ZNF148: variants seen among roughly 807,000 people sequenced by gnomAD.
The protein encoded by ZNF148 is zinc finger protein 148, also known as Beta-Enolase Repressor Factor-1.
Under a neutral mutation model 67.7 loss-of-function variants are expected in ZNF148, and 7 were observed. The ratio of observed to expected loss-of-function variants is 0.10; its 90% CI spans 0.06 to 0.19. The LOEUF is 0.19. Among genes scored for constraint, ZNF148 ranks in the 10% least tolerant of loss-of-function variants. The pLI, the probability that ZNF148 is intolerant of heterozygous loss-of-function variation, is 1.00. For missense variants in ZNF148, 583 were observed against 947.1 expected (o/e 0.62, Z 5.05); for synonymous variants, 333 against 330.7 (o/e 1.01, Z -0.08).
At chr3:125,348,933 G>A (rs1245637222) in intron 1 of ZNF148, among the ~76,000 whole-genome samples, 1 of 152,028 alleles carries the variant, frequency 6.6e-6, no homozygotes, top group Non-Finnish European at 1.5e-5. Flanking sequence ...ATAAACCCAG[G>A]CATACAGAGG....
intron 1 of ZNF148, chr3:125,357,247 G>A: frequency 6.5e-6 from 1 of 153,630 alleles, no homozygotes; most frequent in Non-Finnish European, 1.4e-5. Flanking sequence ...CCCAAAGTGC[G>A]CCAGCTTCTC....
intron 4 of ZNF148, among the ~76,000 whole-genome samples, chr3:125,309,265 A>T (rs1412305949): frequency 1.3e-5 from 2 of 152,178 alleles, no homozygotes; most frequent in Non-Finnish European, 2.9e-5. Context: ...TTTTCACTCA[A>T]AAAAAATCTG....
intron 7 of ZNF148, among the ~76,000 whole-genome samples, chr3:125,255,290 A>C (rs959185627): frequency 4.3e-5 from 5 of 115,208 alleles, no homozygotes; most frequent in African/African-American, 1.7e-4. Context: ...TCTGTTGCCC[A>C]GGCTGGAGTG....
chr3:125,281,252 G>C (rs1171900389), intron 5 of ZNF148, among the ~76,000 whole-genome samples: 1 of 152,144 alleles, frequency 6.6e-6, no homozygotes, highest in Non-Finnish European at 1.5e-5. Flanking sequence ...AAAGAAAGTG[G>C]AAAGCTTCAT....
chr3:125,337,288 T>C (rs1941539900), intron 1 of ZNF148, among the ~76,000 whole-genome samples: 1 of 152,164 alleles, frequency 6.6e-6, no homozygotes, highest in Admixed American at 6.6e-5. Flanking sequence ...TTATAAACAA[T>C]GCTACAAAAA....
In ZNF148 at chr3:125,329,097, C is replaced by T. The variant is rs573939111; in HGVS notation, c.-153+2061G>A. ...GGGGAAGGGTTGGAAAGCCTTTCTT[C>T]GATGTTATAACATTCTCTATTGCCT... On this transcript the variant is annotated intron_variant, in intron 2 of 8. Transcript: ENST00000360647. Among the ~76,000 whole-genome samples, 6 of 150,562 alleles carry T rather than the reference C, an allele frequency of 4.0e-5. No homozygotes were observed. In the South Asian group the frequency reaches 1.0e-3, roughly 26 times the overall value.
chr3:125,360,241 C>T (rs1051095919), intron 1 of ZNF148, among the ~76,000 whole-genome samples: 3 of 152,038 alleles, frequency 2.0e-5, no homozygotes, highest in Non-Finnish European at 4.4e-5. Flanking sequence ...AACAATAGAA[C>T]ATCTTTTGTC....
intron 1 of ZNF148, among the ~76,000 whole-genome samples, chr3:125,341,588 T>A (rs979302042): frequency 6.6e-6 from 1 of 151,568 alleles, no homozygotes; most frequent in African/African-American, 2.4e-5. Context: ...ACCACTGCAC[T>A]ACTGCCTAGA....
chr3:125,255,909 T>C (rs1164764892), intron 7 of ZNF148, among the ~76,000 whole-genome samples: 1 of 152,104 alleles, frequency 6.6e-6, no homozygotes, highest in Non-Finnish European at 1.5e-5. Flanking sequence ...CTGTTTCAAA[T>C]GATGTGCCTC....
chr3:125,341,277 AAAG>A (rs1192066090), intron 1 of ZNF148, among the ~76,000 whole-genome samples: 3 of 151,726 alleles, frequency 2.0e-5, no homozygotes, highest in East Asian at 3.9e-4. Flanking sequence ...GTTATTAAAA[AAAG>A]AAGCATAGTC....
rs1372255698 is a variant in ZNF148 at position 125,229,306 on chromosome 3, T to C, written c.*3035A>G. The C allele has an allele frequency of 6.6e-6, 1 of 151,392 alleles. No individual in the cohort carries two copies. Among genetic ancestry groups the C allele is most frequent in the African/African-American group, 2.4e-5 (1 of 41,188 alleles). 9.4% of individuals were successfully genotyped at this position (151,392 alleles called of 1,614,324 possible). A position where few individuals can be genotyped will look rare whatever the true frequency, so the allele number is the denominator to read the frequency against. On this transcript the variant is annotated 3_prime_UTR_variant, in exon 9 of 9. Coordinates refer to ENST00000360647, the MANE Select transcript of ZNF148 (RefSeq NM_021964.3). Reference sequence around the variant, plus strand: ...GCTGGCACTCTGCAAGTGTCTCTCCTCTGTGGAAACGAAATCCTGCCCTGA... The same window carrying C: ...GCTGGCACTCTGCAAGTGTCTCTCCCCTGTGGAAACGAAATCCTGCCCTGA...
intron 1 of ZNF148, among the ~76,000 whole-genome samples, chr3:125,345,848 CA>C (rs1012370105): frequency 4.0e-5 from 6 of 151,354 alleles, no homozygotes; most frequent in Non-Finnish European, 5.9e-5. Flanking sequence ...TGCCAAAAAA[CA>C]AAAAACAAAA....
chr3:125,326,745 T>A (rs9859881), intron 2 of ZNF148, among the ~76,000 whole-genome samples: 37,236 of 137,146 alleles, frequency 0.27, 5,020 homozygotes, highest in Middle Eastern at 0.33. Context: ...CATATTTATA[T>A]GTATATATAC....
chr3:125,273,758 C>G (rs1028582291), intron 7 of ZNF148, among the ~76,000 whole-genome samples: 12 of 152,028 alleles, frequency 7.9e-5, no homozygotes, highest in African/African-American at 2.9e-4. Flanking sequence ...GGGATTACAG[C>G]GTGAGCCACC....
intron 5 of ZNF148, among the ~76,000 whole-genome samples, chr3:125,286,207 G>T (rs2107620892): frequency 6.6e-6 from 1 of 152,098 alleles, no homozygotes; most frequent in South Asian, 2.1e-4. Context: ...CCCCAAAAAT[G>T]ATATAAATTA....
intron 4 of ZNF148, among the ~76,000 whole-genome samples, chr3:125,312,903 A>G (rs996789917): frequency 2.0e-5 from 3 of 152,204 alleles, no homozygotes; most frequent in Non-Finnish European, 4.4e-5. Flanking sequence ...AACAGAGAAT[A>G]GGAGCATATT....
intron 5 of ZNF148, among the ~76,000 whole-genome samples, chr3:125,281,098 T>C (rs1284614121): frequency 6.6e-6 from 1 of 152,200 alleles, no homozygotes; most frequent in Non-Finnish European, 1.5e-5. Context: ...GTGGTAATTA[T>C]TATGCAAATT....
intron 7 of ZNF148, among the ~76,000 whole-genome samples, chr3:125,255,325 C>T (rs971535761): frequency 8.9e-5 from 12 of 134,756 alleles, no homozygotes; most frequent in Non-Finnish European, 1.5e-4. Context: ...TGGCTCACTG[C>T]AACCTCTGCC....
Position 125,233,584 on chromosome 3 carries a change from G to T in ZNF148, c.1142C>A (p.Ala381Glu). Residue 381 changes from alanine (A) to glutamate (E), a missense_variant, in exon 9 of 9, where the codon GCG (alanine) becomes GAG (glutamate). Physicochemically the swap from Ala to Glu is moderately radical, Grantham distance 107. Coordinates refer to ENST00000360647, the MANE Select transcript of ZNF148 (RefSeq NM_021964.3). The surrounding 1 kb of genome is among the most constrained non-coding windows in gnomAD (Gnocchi z 5.1). ...SSVGGSHLEDASGEIHPPKLV... is the reference protein window; with the variant it reads ...SSVGGSHLEDESGEIHPPKLV... ...CTTAGGTGGGTGTATTTCTCCTGAC[G>T]CATCTTCTAAATGCGAGCCCCCAAC... The T allele has an allele frequency of 2.5e-6, 4 of 1,613,784 alleles. No individual in the cohort carries two copies. Among genetic ancestry groups the T allele is most frequent in the Non-Finnish European group, 3.4e-6 (4 of 1,179,882 alleles).
Sources: allele counts gnomAD v4.1 joint callset (sites outside exome capture counted in the v4.1 genomes callset), GRCh38; gene constraint gnomAD v4.1.1; non-coding constraint Gnocchi (gnomAD v3.1); transcripts MANE v1.5; gene names NCBI Gene and HGNC (gene_info 2026-07-23, HGNC 2026-07-21).